Variants in KLHL29 observed in about 807,000 individuals in gnomAD.
The protein encoded by KLHL29 is kelch like family member 29, also known as kelch-like protein 29.
Under a neutral mutation model 80.4 loss-of-function variants are expected in KLHL29, and 21 were observed. The observed-to-expected ratio is 0.26, with a 90% CI of 0.19 to 0.38. The LOEUF (loss-of-function observed/expected upper bound fraction) is 0.38. Among genes scored for constraint, KLHL29 ranks in the 10% least tolerant of loss-of-function variants. KLHL29 has a pLI of 1.00. For synonymous variants in KLHL29, 511 were observed against 526.8 expected (o/e 0.97, Z 0.41); for missense variants, 867 against 1,223.9 (o/e 0.71, Z 4.35).
At chr2:23,427,141 C>T (rs1663026578) in intron 1 of KLHL29, among the ~76,000 whole-genome samples, 2 of 152,184 alleles carry the variant, frequency 1.3e-5, no homozygotes, top group Non-Finnish European at 2.9e-5. Flanking sequence ...GCTCAGGTCT[C>T]CTGACTCCAC....
intron 1 of KLHL29, among the ~76,000 whole-genome samples, chr2:23,465,076 C>T (rs1159541979): frequency 6.6e-6 from 1 of 152,186 alleles, no homozygotes; most frequent in African/African-American, 2.4e-5. Flanking sequence ...GCACGGCCGA[C>T]AGATAGTAGA....
In KLHL29 at chr2:23,530,994, T is replaced by C. The variant is rs370085578; in HGVS notation, c.-45-31158T>C. Among the ~76,000 whole-genome samples, 8 of 152,310 alleles carry C rather than the reference T, an allele frequency of 5.3e-5. No individual in the cohort carries two copies. In the East Asian group the frequency reaches 1.5e-3, roughly 29 times the overall value. ...TGAAAAGTAGGGTGGGGTGTTTAAC[T>C]GGGTGTGTGGCCTCACAGAAGGGTT... On this transcript the variant is annotated intron_variant, in intron 2 of 13. Coordinates refer to ENST00000486442, the MANE Select transcript of KLHL29 (RefSeq NM_052920.2).
rs1670662520 is a variant in KLHL29 at position 23,669,888 on chromosome 2, T to C, written c.941-14511T>C. 6.6e-6 allele frequency among the ~76,000 whole-genome samples: 1 copy of C among 152,120 alleles called. No individual in the cohort carries two copies. On this transcript the variant is annotated intron_variant, in intron 5 of 13. Transcript: ENST00000486442. The surrounding 1 kb of genome is among the most constrained non-coding windows in gnomAD (Gnocchi z 4.3). ...GGTATTATCACAGAATCTGGTAGGT[T>C]CTGCTTCCAAGAAAAACAGACTGTC...
chr2:23,416,257 G>C (rs536483621), intron 1 of KLHL29, among the ~76,000 whole-genome samples: 1 of 152,298 alleles, frequency 6.6e-6, no homozygotes, highest in South Asian at 2.1e-4. Flanking sequence ...TCCACTTCTA[G>C]AAAAACACCT....
chr2:23,542,471 G>A (rs62125424), intron 2 of KLHL29, among the ~76,000 whole-genome samples: 4,584 of 152,272 alleles, frequency 0.03, 129 homozygotes, highest in Non-Finnish European at 0.047. Context: ...TTTCCATGGG[G>A]CATGTGTGCT....
At chr2:23,634,069 C>T (rs1249390446) in intron 3 of KLHL29, among the ~76,000 whole-genome samples, 2 of 152,150 alleles carry the variant, frequency 1.3e-5, no homozygotes, top group East Asian at 3.9e-4. Context: ...GTGTAGGTGT[C>T]CCATTCTGCT....
intron 1 of KLHL29, among the ~76,000 whole-genome samples, chr2:23,409,495 A>G (rs1014842779): frequency 1.3e-5 from 2 of 152,128 alleles, no homozygotes; most frequent in African/African-American, 4.8e-5. Flanking sequence ...TTTGCTTTTT[A>G]TGCCAGTTTG....
intron 1 of KLHL29, among the ~76,000 whole-genome samples, chr2:23,460,731 C>T (rs1474747657): frequency 1.3e-5 from 2 of 150,508 alleles, no homozygotes; most frequent in African/African-American, 2.5e-5. Context: ...AAGGGAGCAT[C>T]GTGCAAACTC....
chr2:23,597,759 G>A (rs1274790880), intron 3 of KLHL29, among the ~76,000 whole-genome samples: 2 of 152,064 alleles, frequency 1.3e-5, no homozygotes, highest in African/African-American at 4.8e-5. Context: ...GCTCTGTAAG[G>A]TTCCTTCTAG....
At chr2:23,484,001 A>C (rs1335760935) in intron 2 of KLHL29, among the ~76,000 whole-genome samples, 1 of 152,164 alleles carries the variant, frequency 6.6e-6, no homozygotes, top group East Asian at 1.9e-4. Flanking sequence ...CTGGGCTGCA[A>C]TGTGGTCCCA....
intron 3 of KLHL29, among the ~76,000 whole-genome samples, chr2:23,636,854 G>A (rs1313760792): frequency 1.3e-5 from 2 of 152,158 alleles, no homozygotes; most frequent in Non-Finnish European, 2.9e-5. Context: ...AGAACATGGG[G>A]ACCCAAACTC....
intron 2 of KLHL29, among the ~76,000 whole-genome samples, chr2:23,517,230 A>G (rs1292730988): frequency 6.6e-6 from 1 of 152,230 alleles, no homozygotes; most frequent in African/African-American, 2.4e-5. Flanking sequence ...AACAGAAGCC[A>G]TTTGACAGAA....
intron 2 of KLHL29, among the ~76,000 whole-genome samples, chr2:23,477,796 G>A (rs987961316): frequency 6.6e-6 from 1 of 152,246 alleles, no homozygotes; most frequent in Non-Finnish European, 1.5e-5. Context: ...GATTGAGGAC[G>A]TATTCTTCAC....
At chr2:23,637,368 G>T (rs75133321) in intron 3 of KLHL29, among the ~76,000 whole-genome samples, 1 of 152,088 alleles carries the variant, frequency 6.6e-6, no homozygotes, top group Non-Finnish European at 1.5e-5. Flanking sequence ...AAGACTATTA[G>T]TGAGTGCGGC....
chr2:23,386,999 C>T (rs1006224148), intron 1 of KLHL29, among the ~76,000 whole-genome samples: 78 of 152,264 alleles, frequency 5.1e-4, no homozygotes, highest in African/African-American at 1.8e-3. Context: ...GTTGGCGGGC[C>T]CTCGCGCGGG....
At chr2:23,387,087 C>G (rs184581338) in intron 1 of KLHL29, among the ~76,000 whole-genome samples, 12 of 152,300 alleles carry the variant, frequency 7.9e-5, no homozygotes, top group African/African-American at 2.6e-4. Flanking sequence ...GTTCTCCTCC[C>G]TCCCTCCCGT....
chr2:23,568,589 A>G (rs1459358763), intron 3 of KLHL29, among the ~76,000 whole-genome samples: 1 of 152,240 alleles, frequency 6.6e-6, no homozygotes, highest in Non-Finnish European at 1.5e-5. Context: ...GTCCATGCAC[A>G]GATGCTTTTC....
intron 3 of KLHL29, among the ~76,000 whole-genome samples, chr2:23,588,348 C>CACTCTCA (rs1410749766): frequency 3.3e-5 from 5 of 152,358 alleles, no homozygotes; most frequent in African/African-American, 1.2e-4. Flanking sequence ...TCAGGTTGCC[C>CACTCTCA]ACTCTCAACA....
intron 3 of KLHL29, among the ~76,000 whole-genome samples, chr2:23,612,469 G>A (rs1362205394): frequency 6.6e-6 from 1 of 152,204 alleles, no homozygotes; most frequent in Non-Finnish European, 1.5e-5. Context: ...GCCTGGCTGG[G>A]TGTGGTGGTT....
Sources: allele counts gnomAD v4.1 joint callset (sites outside exome capture counted in the v4.1 genomes callset), GRCh38; gene constraint gnomAD v4.1.1; non-coding constraint Gnocchi (gnomAD v3.1); transcripts MANE v1.5; gene names NCBI Gene and HGNC (gene_info 2026-07-23, HGNC 2026-07-21).